Variants in C7orf57 observed in about 807,000 individuals in gnomAD.
C7orf57 encodes chromosome 7 open reading frame 57.
Under a neutral mutation model 39.0 loss-of-function variants are expected in C7orf57, and 33 were observed. That is an observed-to-expected ratio of 0.85 (90% CI 0.64 to 1.13). The LOEUF (loss-of-function observed/expected upper bound fraction) is 1.13. Among genes scored for constraint, C7orf57 ranks in the 50% most tolerant of loss-of-function variants. The pLI is 0.00. For missense variants in C7orf57, 346 were observed against 362.3 expected (o/e 0.95, Z 0.37); for synonymous variants, 124 against 137.1 (o/e 0.90, Z 0.67).
intron 6 of C7orf57, among the ~76,000 whole-genome samples, chr7:48,050,757 C>T (rs1790850804): frequency 6.6e-6 from 1 of 152,072 alleles, no homozygotes; most frequent in East Asian, 1.9e-4. Context: ...TGATTGAACC[C>T]CTCCTGGGCG....
At chr7:48,045,101 C>T (rs1022345351) in intron 4 of C7orf57, among the ~76,000 whole-genome samples, 1 of 152,166 alleles carries the variant, frequency 6.6e-6, no homozygotes, top group Non-Finnish European at 1.5e-5. Flanking sequence ...GGATGATCTA[C>T]TTCTGGGGCC....
chr7:48,043,445 G>T, intron 3 of C7orf57, 36 bp from the exon 4 acceptor site: 2 of 1,517,326 alleles, frequency 1.3e-6, no homozygotes, highest in South Asian at 1.1e-5. Context: ...TAGGGGCGGC[G>T]GGGTGTCTCA....
intron 2 of C7orf57, among the ~76,000 whole-genome samples, chr7:48,037,407 C>T (rs1034231399): frequency 6.6e-6 from 1 of 152,156 alleles, no homozygotes; most frequent in Non-Finnish European, 1.5e-5. Context: ...GAGTAATTTG[C>T]CCAAGGTCAC....
intron 8 of C7orf57, among the ~76,000 whole-genome samples, chr7:48,058,022 C>T (rs968830118): frequency 2.6e-5 from 4 of 152,054 alleles, no homozygotes; most frequent in Non-Finnish European, 5.9e-5. Context: ...GTTGAACCAT[C>T]CTTGCTTACC....
rs758386547 is a variant in C7orf57, at chr7:48,060,615, C to T, written c.*343C>T. The T allele has an allele frequency of 6.9e-5, 12 of 174,410 alleles. No individual in the cohort carries two copies. The highest frequency in any genetic ancestry group is 1.2e-4 in the Non-Finnish European group (10 of 83,208). 10.8% of individuals were successfully genotyped at this position (174,410 alleles called of 1,614,324 possible). On this transcript the variant is annotated 3_prime_UTR_variant, in exon 9 of 9. Transcript: ENST00000348904. ...GCAGGCATTGCTACTGGATTCTTAA[C>T]TAGAGAAAACTTACAGAACAGGTGT...
At chr7:48,041,761 A>G in intron 3 of C7orf57, 1 of 289,534 alleles carries the variant, frequency 3.5e-6, no homozygotes, top group Non-Finnish European at 6.3e-6. Context: ...ATTTCTTCTG[A>G]GTAATGCCTT....
rs1790892960 is a variant in C7orf57 at position 48,051,739 on chromosome 7, C to CT, written c.606-958dup. On this transcript the variant is annotated intron_variant, in intron 6 of 8. Transcript: ENST00000348904. ...CTTTCTTTCTTTCTCTTTTTCTTTT[C>CT]TTTCTTTTTCTTTTCTTTCTTTCTT... is the stretch of plus-strand genomic sequence containing the variant. Among the ~76,000 whole-genome samples, 7 of 55,608 alleles carry CT rather than the reference C, an allele frequency of 1.3e-4. 1 individual carries two copies. The East Asian group carries it at 1.3e-3, about 10-fold the overall frequency. 36.5% of individuals were successfully genotyped at this position (55,608 alleles called of 152,430 possible).
chr7:48,040,610 G>A (rs1284685109), intron 2 of C7orf57, among the ~76,000 whole-genome samples: 1 of 152,120 alleles, frequency 6.6e-6, no homozygotes. Flanking sequence ...AAAGGGACAA[G>A]GAGAGAGGGA....
chr7:48,040,060 T>G (rs1341575629), intron 2 of C7orf57, among the ~76,000 whole-genome samples: 1 of 151,998 alleles, frequency 6.6e-6, no homozygotes, highest in Non-Finnish European at 1.5e-5. Context: ...TCTGTGGGGG[T>G]CATCAATAAA....
chr7:48,058,611 ATT>A (rs1286149525), intron 8 of C7orf57, among the ~76,000 whole-genome samples: 6 of 151,646 alleles, frequency 4.0e-5, no homozygotes, highest in Non-Finnish European at 7.4e-5. Context: ...CTAGCTAAAT[ATT>A]TGTCAATTTT....
intron 3 of C7orf57, among the ~76,000 whole-genome samples, chr7:48,042,005 T>C (rs1790565064): frequency 6.6e-6 from 1 of 152,244 alleles, no homozygotes; most frequent in South Asian, 2.1e-4. Context: ...TTTTGATACA[T>C]GATTTAATTG....
chr7:48,053,754 CATTTTT>C (rs1276018591), intron 7 of C7orf57, among the ~76,000 whole-genome samples: 1 of 152,152 alleles, frequency 6.6e-6, no homozygotes, highest in African/African-American at 2.4e-5. Context: ...CACAGCCATT[CATTTTT>C]ATTTTTAATA....
intron 3 of C7orf57, 126 bp from the exon 4 acceptor site, chr7:48,043,354 TG>T: frequency 1.5e-6 from 1 of 688,462 alleles, no homozygotes; most frequent in Non-Finnish European, 2.5e-6. Context: ...TGTTAGTCCC[TG>T]GATCCCAGAG....
At chr7:48,054,459 A>G (rs1791052754) in intron 7 of C7orf57, 136 bp from the exon 8 acceptor site, 2 of 634,056 alleles carry the variant, frequency 3.2e-6, no homozygotes, top group Non-Finnish European at 5.1e-6. Context: ...TGAACTTTAC[A>G]ATGTCAAGAG....
intron 4 of C7orf57, among the ~76,000 whole-genome samples, chr7:48,044,227 A>G (rs1790646184): frequency 6.6e-6 from 1 of 152,080 alleles, no homozygotes. Flanking sequence ...GCGGGTCTGC[A>G]ACGGAGGCAA....
chr7:48,038,389 TAG>T (rs772006937), intron 2 of C7orf57, among the ~76,000 whole-genome samples: 119 of 151,698 alleles, frequency 7.8e-4, no homozygotes, highest in Non-Finnish European at 1.1e-3. Flanking sequence ...TACATATAGA[TAG>T]ATAGATAGAT....
chr7:48,059,465 C>T (rs1256799189), intron 8 of C7orf57, among the ~76,000 whole-genome samples: 5 of 152,200 alleles, frequency 3.3e-5, no homozygotes, highest in Non-Finnish European at 5.9e-5. Flanking sequence ...ATCCTTCTGC[C>T]TCAGCCTCCT....
chr7:48,037,247 G>C (rs1790402149), intron 2 of C7orf57, among the ~76,000 whole-genome samples: 2 of 152,160 alleles, frequency 1.3e-5, no homozygotes, highest in Non-Finnish European at 2.9e-5. Flanking sequence ...ACTTCTGGGT[G>C]CCTTCTAGTG....
chr7:48,039,253 G>A (rs1049658411), intron 2 of C7orf57, among the ~76,000 whole-genome samples: 5 of 152,152 alleles, frequency 3.3e-5, no homozygotes, highest in African/African-American at 1.2e-4. Context: ...TTCAGGACCT[G>A]CTATCTGTCA....
Sources: allele counts gnomAD v4.1 joint callset (sites outside exome capture counted in the v4.1 genomes callset), GRCh38; gene constraint gnomAD v4.1.1; transcripts MANE v1.5; gene names NCBI Gene and HGNC (gene_info 2026-07-23, HGNC 2026-07-21).